SH3GL2: variants seen among roughly 807,000 people sequenced by gnomAD.
SH3GL2 encodes SH3 domain containing GRB2 like 2, endophilin A1, also known as endophilin-A1.
Under a neutral mutation model 46.0 loss-of-function variants are expected in SH3GL2, and 24 were observed. That is an observed-to-expected ratio of 0.52 (90% CI 0.38 to 0.73). SH3GL2 has a LOEUF of 0.73. Ranked by LOEUF, SH3GL2 falls within the 30% of genes least tolerant of loss-of-function variation. The pLI, the probability that SH3GL2 is intolerant of heterozygous loss-of-function variation, is 0.00. For synonymous variants in SH3GL2, 196 were observed against 147.1 expected, an observed-to-expected ratio of 1.33 and a Z score of -2.40; for missense variants, 413 against 424.2, an observed-to-expected ratio of 0.97 and a Z score of 0.23.
At chr9:17,657,899 G>A (rs868340308) in intron 1 of SH3GL2, among the ~76,000 whole-genome samples, 1 of 152,122 alleles carries the variant, frequency 6.6e-6, no homozygotes, top group Non-Finnish European at 1.5e-5. Flanking sequence ...CCTGGCAGAA[G>A]GTTTTCAAGA....
At chr9:17,645,182 T>TTTTTTTTTTTTTTTA (rs1819781790) in intron 1 of SH3GL2, among the ~76,000 whole-genome samples, 7 of 72,760 alleles carry the variant, frequency 9.6e-5, no homozygotes, top group Admixed American at 3.1e-4. Context: ...TTTTTTTTTT[T>TTTTTTTTTTTTTTTA]GCTTTCCATT....
At chr9:17,593,064 G>A (rs1818513691) in intron 1 of SH3GL2, among the ~76,000 whole-genome samples, 1 of 152,178 alleles carries the variant, frequency 6.6e-6, no homozygotes. Flanking sequence ...TGCCTGGAGA[G>A]GGTATGGAAG....
chr9:17,579,356 G>A, intron 1 of SH3GL2, 69 bp downstream of exon 1: 3 of 1,149,384 alleles, frequency 2.6e-6, no homozygotes, highest in Non-Finnish European at 2.4e-6. Flanking sequence ...CTCGGCGCTG[G>A]CCGTCCGGCG....
intron 1 of SH3GL2, among the ~76,000 whole-genome samples, chr9:17,615,975 A>G (rs1337111253): frequency 2.0e-5 from 3 of 152,158 alleles, no homozygotes; most frequent in Non-Finnish European, 4.4e-5. Context: ...TTTGTGCTCA[A>G]TGGCAGGACC....
intron 1 of SH3GL2, among the ~76,000 whole-genome samples, chr9:17,669,028 A>G (rs993829756): frequency 2.0e-5 from 3 of 152,182 alleles, no homozygotes; most frequent in African/African-American, 7.2e-5. Context: ...CTAAATTTGC[A>G]TATGTATATG....
chr9:17,786,076 C>T (rs534902308), intron 3 of SH3GL2, among the ~76,000 whole-genome samples: 61 of 152,206 alleles, frequency 4.0e-4, no homozygotes, highest in Non-Finnish European at 7.5e-4. Context: ...ACTGCAGGGG[C>T]CACCACAGTG....
intron 1 of SH3GL2, among the ~76,000 whole-genome samples, chr9:17,654,704 T>C (rs1460523514): frequency 2.0e-5 from 3 of 152,206 alleles, no homozygotes; most frequent in Non-Finnish European, 4.4e-5. Flanking sequence ...TCACTGACTG[T>C]ATGAACCAGT....
chr9:17,696,424 C>G (rs1821203060), intron 1 of SH3GL2, among the ~76,000 whole-genome samples: 1 of 152,140 alleles, frequency 6.6e-6, no homozygotes, highest in Non-Finnish European at 1.5e-5. Context: ...TTAGTCCATT[C>G]TCACACTGCT....
chr9:17,724,558 G>GGT (rs1227680164), intron 1 of SH3GL2, among the ~76,000 whole-genome samples: 2 of 151,804 alleles, frequency 1.3e-5, no homozygotes, highest in Admixed American at 6.6e-5. Flanking sequence ...TTTTCCTGGG[G>GGT]GTGTGTGTGT....
rs541269800 is a variant in SH3GL2, at chr9:17,658,269, G to GTA, written c.45+78982_45+78983insTA. On this transcript the variant is annotated intron_variant, in intron 1 of 8. Coordinates refer to ENST00000380607, the MANE Select transcript of SH3GL2 (RefSeq NM_003026.5). ...CCTCAGATGGGTACCTACTATTTCAGATCTGTTTTGTTTAGAGAACTACAG... is the reference window on the plus strand; with the variant it reads ...CCTCAGATGGGTACCTACTATTTCAGTAATCTGTTTTGTTTAGAGAACTACAG... Among the ~76,000 whole-genome samples the GTA allele has an allele frequency of 2.5e-3, 376 of 152,294 alleles. 3 individuals are homozygous for GTA. The highest frequency in any genetic ancestry group is 8.0e-3 in the African/African-American group (331 of 41,554).
At chr9:17,618,610 A>C (rs2134596075) in intron 1 of SH3GL2, among the ~76,000 whole-genome samples, 1 of 152,310 alleles carries the variant, frequency 6.6e-6, no homozygotes, top group Admixed American at 6.5e-5. Context: ...TGTGAATGTT[A>C]ATGCGCTTGA....
Position 17,669,427 on chromosome 9 carries a change from C to G in SH3GL2, c.46-77639C>G, listed in dbSNP as rs191328538. Among the ~76,000 whole-genome samples the G allele has an allele frequency of 3.3e-5, 5 of 152,320 alleles. No homozygotes were observed. The East Asian group carries it at 9.6e-4, about 29-fold the overall frequency. Reference sequence around the variant, plus strand: ...TGCTCTTTTATAACCGTACCCACTTCCTCTTTCATCTTCCCTAGCCTCTGG... The same window carrying G: ...TGCTCTTTTATAACCGTACCCACTTGCTCTTTCATCTTCCCTAGCCTCTGG... On this transcript the variant is annotated intron_variant, in intron 1 of 8. Transcript: ENST00000380607.
intron 5 of SH3GL2, 73 bp downstream of exon 5, chr9:17,787,586 A>G: frequency 1.5e-6 from 2 of 1,324,242 alleles, no homozygotes; most frequent in Non-Finnish European, 2.1e-6. Flanking sequence ...TTCTTTAGAA[A>G]ACATTTTTTT....
Position 17,579,095 on chromosome 9 carries a change from T to TCCCGCTAGGCTCCGCGC in SH3GL2, c.-145_-129dup, listed in dbSNP as rs1818220268. 2 of 500,296 alleles carry TCCCGCTAGGCTCCGCGC rather than the reference T, an allele frequency of 4.0e-6. No individual in the cohort carries two copies. The highest frequency in any genetic ancestry group is 6.8e-6 in the Non-Finnish European group (2 of 292,430). 31.0% of individuals were successfully genotyped at this position (500,296 alleles called of 1,614,324 possible). ...GAGTGTTTCTCCGCAAGAGCCCGTG[T>TCCCGCTAGGCTCCGCGC]CCCGCTAGGCTCCGCGCCCTCGCGC... On this transcript the variant is annotated 5_prime_UTR_variant, in exon 1 of 9. Transcript: ENST00000380607.
chr9:17,676,733 G>C (rs1820620689), intron 1 of SH3GL2, among the ~76,000 whole-genome samples: 1 of 152,054 alleles, frequency 6.6e-6, no homozygotes, highest in South Asian at 2.1e-4. Context: ...ACTCAGTTTT[G>C]CCCTCTTAAA....
At chr9:17,689,431 G>A (rs759296556) in intron 1 of SH3GL2, among the ~76,000 whole-genome samples, 19 of 151,976 alleles carry the variant, frequency 1.3e-4, no homozygotes, top group African/African-American at 2.2e-4. Flanking sequence ...ATATTGACTC[G>A]TCAATTGTAA....
intron 1 of SH3GL2, among the ~76,000 whole-genome samples, chr9:17,660,727 C>T (rs971861881): frequency 6.6e-6 from 1 of 152,094 alleles, no homozygotes; most frequent in Non-Finnish European, 1.5e-5. Context: ...AGGGTTTCTT[C>T]CAGTACTGAA....
At chr9:17,584,337 C>A (rs1199929126) in intron 1 of SH3GL2, among the ~76,000 whole-genome samples, 1 of 152,060 alleles carries the variant, frequency 6.6e-6, no homozygotes. Flanking sequence ...CTCGTCTCTA[C>A]TAAAAATACA....
At chr9:17,657,759 A>G (rs1214309920) in intron 1 of SH3GL2, among the ~76,000 whole-genome samples, 2 of 152,178 alleles carry the variant, frequency 1.3e-5, no homozygotes, top group Non-Finnish European at 2.9e-5. Flanking sequence ...TGTTCTTACA[A>G]ATGGTAGTTG....
Sources: allele counts gnomAD v4.1 joint callset (sites outside exome capture counted in the v4.1 genomes callset), GRCh38; gene constraint gnomAD v4.1.1; transcripts MANE v1.5; gene names NCBI Gene and HGNC (gene_info 2026-07-23, HGNC 2026-07-21).